The following CARD9 variants were observed in gnomAD, a reference collection of about 807,000 sequenced individuals.
CARD9 encodes caspase recruitment domain family member 9, also known as caspase recruitment domain-containing protein 9.
CARD9 carries 53 observed loss-of-function variants against 66.0 expected under a neutral mutation model. The observed-to-expected ratio is 0.80, with a 90% confidence interval of 0.64 to 1.01. The LOEUF (loss-of-function observed/expected upper bound fraction) is 1.01, where lower values mean the gene tolerates loss of function less well. CARD9 is among the 50% of genes least tolerant of loss of function. The pLI is 0.00. For missense variants in CARD9, 769 were observed against 743.2 expected, an observed-to-expected ratio of 1.03 and a Z score of -0.40; for synonymous variants, 387 against 313.8, an observed-to-expected ratio of 1.23 and a Z score of -2.47.
At chr9:136,364,865 T>C (rs1275732900) in intron 11 of CARD9, 3 of 594,970 alleles carry the variant, frequency 5.0e-6, no homozygotes, top group Non-Finnish European at 9.0e-6. Context: ...GACTCCTGTG[T>C]TCACCTCCTC....
chr9:136,364,335 C>A lies in CARD9; in HGVS notation c.1578G>T (p.Thr526=). The part of the protein sequence containing the change: ...RQGEEDRENT[T]GSDNTDTEGS ...CCTCAGTGTCGGTGTTGTCGCTGCC[C>A]GTGGTGTTCTCCCGGTCCTCCTCCC... Residue 526 remains threonine, a synonymous_variant, in exon 13 of 13, where the codon ACG becomes ACT. Coordinates refer to ENST00000371732, the MANE Select transcript of CARD9 (RefSeq NM_052813.5). 1 of 1,567,020 alleles carries A rather than the reference C, an allele frequency of 6.4e-7. No individual in the cohort carries two copies. Among genetic ancestry groups the A allele is most frequent in the East Asian group, 2.3e-5 (1 of 42,622 alleles).
Position 136,373,618 on chromosome 9 carries a change from A to G in CARD9, c.-103T>C. ...TCTGGGAGATGCTGCCCGGGGCTGC[A>G]GGGAGGGAGGAGCACGCCGGACGCC... On this transcript the variant is annotated 5_prime_UTR_variant, in exon 1 of 13. Coordinates refer to ENST00000371732, the MANE Select transcript of CARD9 (RefSeq NM_052813.5). The G allele has an allele frequency of 1.0e-6, 1 of 982,226 alleles. No homozygotes were observed. The highest frequency in any genetic ancestry group is 1.2e-6 in the Non-Finnish European group (1 of 826,886). The allele number at this position is 982,226 out of a possible 1,614,324, so 60.8% of individuals were successfully genotyped here.
At chr9:136,373,415 G>T in intron 1 of CARD9, 117 bp downstream of exon 1, 1 of 806,572 alleles carries the variant, frequency 1.2e-6, no homozygotes, top group Non-Finnish European at 1.5e-6. Flanking sequence ...CATGGCGGAG[G>T]CTGCCTGGCT....
At chr9:136,367,850 G>A (rs201988948) in intron 7 of CARD9, 22 bp from the exon 8 acceptor site, 6 of 1,583,066 alleles carry the variant, frequency 3.8e-6, no homozygotes, top group Non-Finnish European at 5.1e-6. Flanking sequence ...GCACAAGGCC[G>A]ACCCTCAGTG....
chr9:136,370,639 G>A lies in CARD9; in HGVS notation c.690C>T (p.His230=), dbSNP rs1334945405. The part of the protein sequence containing the change: ...AEDDCKVERK[H]TLKLRHAMEQ... Reference sequence around the variant, plus strand: ...CCATGGCGTGCCTGAGCTTCAGCGTGTGCTTGCGCTCCACCTTGCAGTCGT... The same window carrying A: ...CCATGGCGTGCCTGAGCTTCAGCGTATGCTTGCGCTCCACCTTGCAGTCGT... The change falls in exon 5 of 13, where the codon CAC becomes CAT. Residue 230 remains histidine (H), a synonymous_variant. Coordinates refer to ENST00000371732, the MANE Select transcript of CARD9 (RefSeq NM_052813.5). 14 of 1,612,660 alleles carry A rather than the reference G, an allele frequency of 8.7e-6. No individual in the cohort carries two copies. Among genetic ancestry groups the A allele is most frequent in the Non-Finnish European group, 1.0e-5 (12 of 1,179,918 alleles).
Position 136,367,669 on chromosome 9 carries a change from G to A in CARD9, c.1237C>T (p.Leu413Phe), listed in dbSNP as rs752685448. The change falls in exon 8 of 13, where the codon CTC becomes TTC. Residue 413 changes from leucine (L) to phenylalanine (F), a missense_variant. Leu to Phe is a conservative substitution (Grantham distance 22). Coordinates refer to ENST00000371732, the MANE Select transcript of CARD9 (RefSeq NM_052813.5). ...AGCGTCTCCAGCTGCTGCCGCCTGAGCCTGCCCTCCACGGCCAGTAGCTGC... is the reference window on the plus strand; with the variant it reads ...AGCGTCTCCAGCTGCTGCCGCCTGAACCTGCCCTCCACGGCCAGTAGCTGC... ...EAQLLAVEGR[L>F]RRQQLETLVL... 8.1e-6 allele frequency: 13 copies of A among 1,597,546 alleles called. No homozygotes were observed. The East Asian group carries it at 2.7e-4, about 33-fold the overall frequency.
At chr9:136,371,783 A>C in intron 2 of CARD9, 112 bp downstream of exon 2, 4 of 1,491,420 alleles carry the variant, frequency 2.7e-6, no homozygotes, top group Non-Finnish European at 3.6e-6. Context: ...CCAGGGGCAA[A>C]GCCAGGCGGG....
chr9:136,368,707 C>G (rs1320552750), intron 7 of CARD9, among the ~76,000 whole-genome samples: 3 of 152,240 alleles, frequency 2.0e-5, no homozygotes, highest in African/African-American at 7.2e-5. Flanking sequence ...CACTGGAGGC[C>G]TTGCAGGCCT....
chr9:136,370,307 GC>G lies in CARD9; in HGVS notation c.937del (p.Ala313ProfsTer49). 1.2e-6 allele frequency: 2 copies of G among 1,604,982 alleles called. No homozygotes were observed. The highest frequency in any genetic ancestry group is 8.5e-7 in the Non-Finnish European group (1 of 1,179,014). ...SLRKDLRQGE[A>X]RRLRCMEEKE... The stretch of plus-strand genomic sequence containing the variant: ...CTGCCCTCCTACCCGGAGGCGTCGG[GC>G]CTCGCCCTGGCGGAGGTCCTTGCGC... On this transcript the variant is annotated frameshift_variant, in exon 6 of 13. Transcript: ENST00000371732. LOFTEE classifies it high-confidence loss of function.
At chr9:136,371,290 C>A in intron 3 of CARD9, 34 bp downstream of exon 3, 1 of 1,587,670 alleles carries the variant, frequency 6.3e-7, no homozygotes, top group East Asian at 2.3e-5. Context: ...CCGCCAGCGC[C>A]TCCCCTGTCG....
rs202052103 is a variant in CARD9 at position 136,365,152 on chromosome 9, G to A, written c.1423C>T (p.Arg475Trp). ...CGGGGAAGCCTTACATGGGGGTTCC[G>A]CAAAACCTGCTCCTGGTGCAGAGCT... The part of the protein sequence containing the change: ...FAALHQEQVL[R>W]NPHDAGLSSG... The change falls in exon 11 of 13, where the codon CGG becomes TGG. Residue 475 changes from arginine (R) to tryptophan (W), a missense_variant. Transcript: ENST00000371732. 223 of 1,611,808 alleles carry A rather than the reference G, an allele frequency of 1.4e-4. 1 individual carries two copies. Among genetic ancestry groups the A allele is most frequent in the Non-Finnish European group, 2.5e-5 (29 of 1,179,886 alleles).
Position 136,367,633 on chromosome 9 carries a change from C to T in CARD9, c.1269+4G>A, listed in dbSNP as rs1200241955. On this transcript the variant is annotated splice_donor_region_variant and intron_variant, in intron 8 of 12. Coordinates refer to ENST00000371732, the MANE Select transcript of CARD9 (RefSeq NM_052813.5). ...CCCCTCCCTGCCGCAGGCCCCAGGCCCACCAGGACGAGCGTCTCCAGCTGC... is the reference window on the plus strand; with the variant it reads ...CCCCTCCCTGCCGCAGGCCCCAGGCTCACCAGGACGAGCGTCTCCAGCTGC... 6.3e-7 allele frequency: 1 copy of T among 1,578,548 alleles called. No individual in the cohort carries two copies. Among genetic ancestry groups the T allele is most frequent in the Non-Finnish European group, 8.6e-7 (1 of 1,168,650 alleles).
At chr9:136,369,334 TATAA>T (rs1277481477) in intron 7 of CARD9, among the ~76,000 whole-genome samples, 1 of 152,100 alleles carries the variant, frequency 6.6e-6, no homozygotes, top group Admixed American at 6.5e-5. Flanking sequence ...AAACCAAATA[TATAA>T]ATAGATAGAT....
rs542391727 is a variant in CARD9, at chr9:136,370,445, G to A, written c.808-8C>T. 3.7e-5 allele frequency: 60 copies of A among 1,610,064 alleles called. No individual in the cohort carries two copies. The East Asian group carries it at 1.1e-3, about 31-fold the overall frequency. On this transcript the variant is annotated splice_polypyrimidine_tract_variant and splice_region_variant and intron_variant, in intron 5 of 12. Coordinates refer to ENST00000371732, the MANE Select transcript of CARD9 (RefSeq NM_052813.5). ...CCTGTCCAGCTTCCCCTCCTGAAGG[G>A]GGCAAAAGGCAATGGCCTGGCTGGG...
chr9:136,369,481 C>CT (rs1005711964), intron 7 of CARD9, among the ~76,000 whole-genome samples: 3 of 151,968 alleles, frequency 2.0e-5, no homozygotes, highest in Non-Finnish European at 4.4e-5. Flanking sequence ...TCATCGTTTA[C>CT]TTTTTTTTAG....
chr9:136,370,732 C>A, intron 4 of CARD9, 31 bp from the exon 5 acceptor site: 1 of 1,612,564 alleles, frequency 6.2e-7, no homozygotes, highest in Non-Finnish European at 8.5e-7. Context: ...CTGGCTGTCC[C>A]CTCCAGGCGG....
In CARD9 at chr9:136,370,130, C is replaced by T. The variant is rs1395312312; in HGVS notation, c.951+164G>A. Reference sequence around the variant, plus strand: ...GTTGGCCTTTGCCATGGGGGGCAGGCGGGCAAGGAGAGGGCACCGTCCACT... The same window carrying T: ...GTTGGCCTTTGCCATGGGGGGCAGGTGGGCAAGGAGAGGGCACCGTCCACT... On this transcript the variant is annotated intron_variant, in intron 6 of 12. Transcript: ENST00000371732. 10 of 1,430,098 alleles carry T rather than the reference C, an allele frequency of 7.0e-6. No homozygotes were observed. In the East Asian group the frequency reaches 7.5e-5, roughly 11 times the overall value. The allele number at this position is 1,430,098 out of a possible 1,614,324, so 88.6% of individuals were successfully genotyped here.
chr9:136,372,159 A>G (rs946241207), intron 1 of CARD9, 65 bp from the exon 2 acceptor site: 10 of 1,581,312 alleles, frequency 6.3e-6, no homozygotes, highest in Non-Finnish European at 8.6e-6. Flanking sequence ...CCCAGCTCCC[A>G]CTCCTTCTCA....
At chr9:136,369,657 T>C (rs747564935) in intron 7 of CARD9, 93 bp downstream of exon 7, 143 of 1,529,612 alleles carry the variant, frequency 9.3e-5, no homozygotes, top group Non-Finnish European at 1.2e-4. Flanking sequence ...ATAACAAAGA[T>C]TAAAAATCCT....
Sources: allele counts gnomAD v4.1 joint callset (sites outside exome capture counted in the v4.1 genomes callset), GRCh38; gene constraint gnomAD v4.1.1; transcripts MANE v1.5; gene names NCBI Gene and HGNC (gene_info 2026-07-23, HGNC 2026-07-21).